HSD17B12: variants seen among roughly 807,000 people sequenced by gnomAD.
HSD17B12 encodes hydroxysteroid 17-beta dehydrogenase 12.
HSD17B12 carries 32 observed loss-of-function variants against 39.3 expected under a neutral mutation model. That is an observed-to-expected ratio of 0.81 (90% CI 0.61 to 1.09). The LOEUF (loss-of-function observed/expected upper bound fraction) is 1.09. Ranked by LOEUF, HSD17B12 falls within the 50% of genes least tolerant of loss-of-function variation. The pLI is 0.00. For missense variants in HSD17B12, 342 were observed against 382.9 expected (o/e 0.89, Z 0.89); for synonymous variants, 150 against 146.7 (o/e 1.02, Z -0.16).
At chr11:43,565,844 C>A in the HSD17B12 span, among the ~76,000 whole-genome samples, 550 of 152,330 alleles carry the variant, frequency 3.6e-3, 4 homozygotes, top group African/African-American at 0.012. Context: ...TTTGCACTTG[C>A]CCTGTGGAAA....
intron 6 of HSD17B12, among the ~76,000 whole-genome samples, chr11:43,818,748 A>G (rs1331229287): frequency 6.6e-6 from 1 of 152,184 alleles, no homozygotes; most frequent in East Asian, 1.9e-4. Flanking sequence ...CACAAAATTG[A>G]TGCATTTAAA....
At chr11:43,637,217 CTTTTTTTTTTT>C in the HSD17B12 span, among the ~76,000 whole-genome samples, 3,265 of 109,488 alleles carry the variant, frequency 0.03, 131 homozygotes, top group African/African-American at 0.099. Flanking sequence ...GGTGTTTTTC[CTTTTTTTTTTT>C]TTTTTTTTTT....
intron 9 of HSD17B12, among the ~76,000 whole-genome samples, chr11:43,845,651 A>G (rs774386617): frequency 1.5e-4 from 23 of 152,196 alleles, no homozygotes; most frequent in Non-Finnish European, 1.2e-4. Flanking sequence ...AAAATATCAC[A>G]TATGTATGTG....
the HSD17B12 span, among the ~76,000 whole-genome samples, chr11:43,588,610 C>CCATTATTATTATTATTATTATTAT: frequency 6.9e-6 from 1 of 144,974 alleles, no homozygotes; most frequent in Non-Finnish European, 1.5e-5. Context: ...TTATTATTAG[C>CCATTATTATTATTATTATTATTAT]TATTATTATT....
chr11:43,654,983 A>C, the HSD17B12 span, among the ~76,000 whole-genome samples: 10 of 152,300 alleles, frequency 6.6e-5, no homozygotes, highest in South Asian at 1.2e-3. Context: ...TGAATCTATA[A>C]ATTACCTTGG....
intron 1 of HSD17B12, among the ~76,000 whole-genome samples, chr11:43,742,313 G>GT (rs1001296846): frequency 1.7e-4 from 25 of 148,380 alleles, no homozygotes; most frequent in Admixed American, 3.4e-4. Flanking sequence ...ATTTTCTTGA[G>GT]TTTTTTTTTG....
the HSD17B12 span, among the ~76,000 whole-genome samples, chr11:43,560,702 C>A: frequency 1.3e-5 from 2 of 152,172 alleles, no homozygotes; most frequent in Non-Finnish European, 2.9e-5. Flanking sequence ...ACTTCACTTA[C>A]AAAACACGGG....
chr11:43,698,745 A>G (rs1363848613), intron 1 of HSD17B12, among the ~76,000 whole-genome samples: 1 of 152,230 alleles, frequency 6.6e-6, no homozygotes, highest in Admixed American at 6.5e-5. Flanking sequence ...CATACAAGGC[A>G]CTGGGCCTTT....
At chr11:43,719,343 A>G (rs1297774228) in intron 1 of HSD17B12, among the ~76,000 whole-genome samples, 5 of 152,290 alleles carry the variant, frequency 3.3e-5, no homozygotes, top group East Asian at 1.9e-4. Flanking sequence ...CCAGAGATCT[A>G]TGTGACTAGA....
At chr11:43,837,791 T>A (rs1281632034) in intron 7 of HSD17B12, among the ~76,000 whole-genome samples, 1 of 152,144 alleles carries the variant, frequency 6.6e-6, no homozygotes, top group Non-Finnish European at 1.5e-5. Flanking sequence ...CCAGAAAGTT[T>A]TATTAAGTAC....
intron 1 of HSD17B12, among the ~76,000 whole-genome samples, chr11:43,749,235 G>C (rs1950443466): frequency 6.6e-6 from 1 of 152,088 alleles, no homozygotes; most frequent in African/African-American, 2.4e-5. Flanking sequence ...AAATTGAGAG[G>C]GTGAAGGGAA....
At chr11:43,740,607 T>C (rs1950355547) in intron 1 of HSD17B12, among the ~76,000 whole-genome samples, 1 of 152,214 alleles carries the variant, frequency 6.6e-6, no homozygotes, top group Non-Finnish European at 1.5e-5. Context: ...GCTTCAACCC[T>C]AAGATTACTT....
intron 1 of HSD17B12, among the ~76,000 whole-genome samples, chr11:43,708,335 T>C (rs2134828428): frequency 6.6e-6 from 1 of 152,360 alleles, no homozygotes; most frequent in East Asian, 1.9e-4. Context: ...CTGAAAACTA[T>C]ACATTTATTG....
chr11:43,648,036 C>T, the HSD17B12 span, among the ~76,000 whole-genome samples: 1 of 152,020 alleles, frequency 6.6e-6, no homozygotes, highest in Non-Finnish European at 1.5e-5. Context: ...TATTCATTTC[C>T]ATTAGAAATA....
At chr11:43,825,041 G>A (rs1438742110) in intron 6 of HSD17B12, among the ~76,000 whole-genome samples, 1 of 152,118 alleles carries the variant, frequency 6.6e-6, no homozygotes, top group African/African-American at 2.4e-5. Context: ...TGAGGCAGGA[G>A]GATTGCTTGA....
intron 3 of HSD17B12, among the ~76,000 whole-genome samples, chr11:43,782,745 T>G (rs1950778487): frequency 6.6e-6 from 1 of 152,070 alleles, no homozygotes; most frequent in Admixed American, 6.6e-5. Context: ...AAATGAAATT[T>G]TTACAAGGAA....
intron 1 of HSD17B12, among the ~76,000 whole-genome samples, chr11:43,724,716 G>A (rs1045824410): frequency 6.6e-6 from 1 of 152,062 alleles, no homozygotes; most frequent in African/African-American, 2.4e-5. Flanking sequence ...ATCCACAAAT[G>A]CCCCCTGCTA....
chr11:43,816,490 G>A, intron 6 of HSD17B12, 99 bp downstream of exon 6: 1 of 1,018,908 alleles, frequency 9.8e-7, no homozygotes, highest in South Asian at 2.2e-5. Flanking sequence ...CTCTTGTTTA[G>A]ATGCAGATAC....
chr11:43,694,163 G>A (rs1246551235), intron 1 of HSD17B12, among the ~76,000 whole-genome samples: 2 of 152,138 alleles, frequency 1.3e-5, no homozygotes, highest in African/African-American at 4.8e-5. Flanking sequence ...AACCCTATGA[G>A]GCAGGTTAGG....
Sources: allele counts gnomAD v4.1 joint callset (sites outside exome capture counted in the v4.1 genomes callset), GRCh38; gene constraint gnomAD v4.1.1; transcripts MANE v1.5; gene names NCBI Gene and HGNC (gene_info 2026-07-23, HGNC 2026-07-21).